Variants in CARF observed in about 807,000 individuals in gnomAD.
The protein encoded by CARF is calcium responsive transcription factor, also known as calcium-responsive transcription factor.
In CARF, 57 loss-of-function variants were observed where a neutral mutation model predicts 82.0. That is an observed-to-expected ratio of 0.70 (90% CI 0.56 to 0.87). The LOEUF (loss-of-function observed/expected upper bound fraction) is 0.87, where lower values mean the gene tolerates loss of function less well. CARF is among the 40% of genes least tolerant of loss of function. The pLI, the probability that CARF is intolerant of heterozygous loss-of-function variation, is 0.00. For synonymous variants in CARF, 268 were observed against 290.1 expected (o/e 0.92, Z 0.77); for missense variants, 771 against 855.8 (o/e 0.90, Z 1.24).
At chr2:202,935,101 A>AATATATAATTATTTATAATT (rs1693661181) in intron 3 of CARF, among the ~76,000 whole-genome samples, 1 of 136,836 alleles carries the variant, frequency 7.3e-6, no homozygotes, top group Admixed American at 7.9e-5. Context: ...TATTATATAT[A>AATATATAATTATTTATAATT]ATATATAATT....
intron 5 of CARF, among the ~76,000 whole-genome samples, chr2:202,950,646 G>A (rs1241678577): frequency 6.6e-6 from 1 of 152,106 alleles, no homozygotes; most frequent in African/African-American, 2.4e-5. Flanking sequence ...TTCAATTATA[G>A]CCTACCACTA....
At chr2:202,929,685 A>G (rs559586582) in intron 3 of CARF, among the ~76,000 whole-genome samples, 30 of 152,256 alleles carry the variant, frequency 2.0e-4, no homozygotes, top group African/African-American at 6.5e-4. Context: ...GTGGTTCCAT[A>G]CAAATTTTAA....
intron 9 of CARF, 103 bp downstream of exon 9, chr2:202,961,529 C>T: frequency 1.1e-6 from 1 of 943,548 alleles, no homozygotes. Flanking sequence ...TGGTAGCTGA[C>T]AATTGAATGC....
At chr2:202,956,543 G>A (rs1393626965) in intron 8 of CARF, among the ~76,000 whole-genome samples, 1 of 151,930 alleles carries the variant, frequency 6.6e-6, no homozygotes, top group Admixed American at 6.6e-5. Context: ...GAACCACTGC[G>A]CCAGGCCAGA....
chr2:202,954,132 C>A lies in CARF; in HGVS notation c.555C>A (p.Thr185=). ...TSFPLPKKSV[T]GMLEEPLLGP... ...TCCCATTGCCCAAAAAGTCAGTGAC[C>A]GGGTGAGTCCACGGGAAAGAGAAGC... is the stretch of plus-strand genomic sequence containing the variant. Residue 185 remains threonine (T), a splice_region_variant and synonymous_variant, in exon 7 of 17, where the codon ACC becomes ACA. Coordinates refer to ENST00000438828, the MANE Select transcript of CARF (RefSeq NM_024744.17). The A allele has an allele frequency of 6.2e-7, 1 of 1,610,878 alleles. No homozygotes were observed.
chr2:202,983,596 T>C lies in CARF; in HGVS notation c.2150T>C (p.Val717Ala), dbSNP rs2060350323. ...PALSMEAKKT[V>A]DYKKLSAT ...TTGTCTATGGAAGCAAAAAAAACTGTGGACTATAAGAAATTATCTGCTACA... is the reference window on the plus strand; with the variant it reads ...TTGTCTATGGAAGCAAAAAAAACTGCGGACTATAAGAAATTATCTGCTACA... Residue 717 changes from valine (V) to alanine (A), a missense_variant, in exon 17 of 17, where the codon GTG becomes GCG. Val to Ala is a moderately conservative substitution (Grantham distance 64). Transcript: ENST00000438828. 1.9e-6 allele frequency: 3 copies of C among 1,606,680 alleles called. No individual in the cohort carries two copies. Among genetic ancestry groups the C allele is most frequent in the East Asian group, 4.5e-5 (2 of 44,730 alleles).
chr2:202,949,347 A>G (rs1010322064), intron 5 of CARF, among the ~76,000 whole-genome samples: 5 of 151,356 alleles, frequency 3.3e-5, no homozygotes, highest in African/African-American at 4.8e-5. Flanking sequence ...CATCTCAAAA[A>G]AAAAAAAAAA....
At chr2:202,964,621 A>T (rs1206812449) in intron 9 of CARF, among the ~76,000 whole-genome samples, 3 of 151,952 alleles carry the variant, frequency 2.0e-5, no homozygotes, top group African/African-American at 7.3e-5. Flanking sequence ...CCTTTACATT[A>T]TGGAAATTTT....
chr2:202,916,264 T>C (rs1427093509), intron 1 of CARF, among the ~76,000 whole-genome samples: 1 of 152,130 alleles, frequency 6.6e-6, no homozygotes, highest in Non-Finnish European at 1.5e-5. Context: ...CCCTGCGACC[T>C]GTGCTTCCCA....
chr2:202,977,468 T>C (rs1298899704), intron 14 of CARF, 136 bp downstream of exon 14: 4 of 648,576 alleles, frequency 6.2e-6, no homozygotes, highest in East Asian at 2.7e-5. Context: ...AGCTATGTTA[T>C]GGTTTATCAA....
At chr2:202,978,725 CAG>C (rs1297055204) in intron 14 of CARF, among the ~76,000 whole-genome samples, 3 of 152,052 alleles carry the variant, frequency 2.0e-5, no homozygotes, top group Non-Finnish European at 4.4e-5. Flanking sequence ...CATTTTTATG[CAG>C]AGTTAGGGTT....
intron 13 of CARF, among the ~76,000 whole-genome samples, chr2:202,976,261 A>G (rs1317036596): frequency 6.6e-6 from 1 of 150,730 alleles, no homozygotes; most frequent in Non-Finnish European, 1.5e-5. Flanking sequence ...TGCAACCTCC[A>G]TCTCCCAGGT....
intron 8 of CARF, among the ~76,000 whole-genome samples, chr2:202,958,273 G>GTGTGTGTGTA (rs1481231769): frequency 6.6e-6 from 1 of 151,718 alleles, no homozygotes; most frequent in African/African-American, 2.4e-5. Flanking sequence ...GTGTGTGTGT[G>GTGTGTGTGTA]TGTGTGTAGT....
chr2:202,969,583 AAAT>A (rs1489480032), intron 10 of CARF, among the ~76,000 whole-genome samples: 18 of 726 alleles, frequency 0.025, no homozygotes, highest in African/African-American at 0.05. Context: ...CTCAAAAAAT[AAAT>A]AAATAAATAA....
chr2:202,915,420 A>G (rs1358410955), intron 1 of CARF, among the ~76,000 whole-genome samples: 1 of 151,924 alleles, frequency 6.6e-6, no homozygotes, highest in Non-Finnish European at 1.5e-5. Context: ...CAGCCTCCCC[A>G]ATAGCTGCGA....
intron 9 of CARF, among the ~76,000 whole-genome samples, chr2:202,965,321 C>T (rs578035348): frequency 6.6e-6 from 1 of 152,166 alleles, no homozygotes; most frequent in Non-Finnish European, 1.5e-5. Context: ...GTATGTGTCT[C>T]TCTGTTTGTG....
rs562009341 is a variant in CARF at position 202,978,345 on chromosome 2, T to A, written c.1558+1013T>A. 3.3e-5 allele frequency among the ~76,000 whole-genome samples: 5 copies of A among 152,104 alleles called. No individual in the cohort carries two copies. The South Asian group carries it at 1.0e-3, about 32-fold the overall frequency. On this transcript the variant is annotated intron_variant, in intron 14 of 16. Transcript: ENST00000438828. ...GGGTGATTGAAGTGTGAATGGGAGA[T>A]GAGGAAGGAGTAGGGACTCCTTAAA...
intron 13 of CARF, among the ~76,000 whole-genome samples, chr2:202,975,843 G>A (rs977374081): frequency 2.6e-5 from 4 of 151,832 alleles, no homozygotes; most frequent in South Asian, 2.1e-4. Context: ...TCAGGAGTTC[G>A]AGACCAGCCT....
intron 12 of CARF, chr2:202,973,555 G>A: frequency 5.5e-6 from 2 of 365,888 alleles, no homozygotes; most frequent in Admixed American, 7.5e-5. Context: ...ACATAACCTG[G>A]GTATAGGCCC....
Sources: gnomAD v4.1 joint callset for allele counts (sites outside exome capture counted in the v4.1 genomes callset) on GRCh38, gnomAD v4.1.1 for gene constraint, MANE v1.5 for transcripts, NCBI Gene and HGNC (gene_info 2026-07-23, HGNC 2026-07-21) for gene names.